PLIN4: variants seen among roughly 807,000 people sequenced by gnomAD.
The protein encoded by PLIN4 is perilipin-4.
PLIN4 carries 57 observed loss-of-function variants against 52.4 expected under a neutral mutation model. The ratio of observed to expected loss-of-function variants is 1.09; its 90% CI spans 0.88 to 1.36. PLIN4 has a LOEUF of 1.36. PLIN4 is among the 40% of genes most tolerant of loss of function. PLIN4 has a pLI of 0.00. For missense variants in PLIN4, 1,757 were observed against 1,770.3 expected (o/e 0.99, Z 0.13); for synonymous variants, 826 against 785.4 (o/e 1.05, Z -0.86).
Position 4,508,804 on chromosome 19 carries a change from C to G in PLIN4, c.3666G>C (p.Arg1222Ser), listed in dbSNP as rs576252933. ...SHLQHGQFQA[R>S]DTLAQLQDCF... ...AGTCCTGGAGCTGGGCCAGAGTGTC[C>G]CTGGCTTGGAACTGGCCGTGCTGCA... The change falls in exon 6 of 8, where the codon AGG becomes AGC. Residue 1222 changes from arginine to serine, a missense_variant. By Grantham distance (110) the Arg-to-Ser change is moderately radical. Transcript: ENST00000301286. 1 of 1,597,736 alleles carries G rather than the reference C, an allele frequency of 6.3e-7. No individual in the cohort carries two copies. Among genetic ancestry groups the G allele is most frequent in the Middle Eastern group, 1.7e-4 (1 of 6,000 alleles).
Position 4,503,715 on chromosome 19 carries a change from C to G in PLIN4, c.*744G>C, listed in dbSNP as rs1156691574. ...GGTGGGCAGCTGGAGGCAGCAGCAG[C>G]CTGTTTGCTTGTTTTTTGCACCCCC... On this transcript the variant is annotated 3_prime_UTR_variant, in exon 8 of 8. Transcript: ENST00000301286. 2 of 153,088 alleles carry G rather than the reference C, an allele frequency of 1.3e-5. No individual in the cohort carries two copies. The highest frequency in any genetic ancestry group is 4.8e-5 in the African/African-American group (2 of 41,580). The allele number at this position is 153,088 out of a possible 1,614,324, so 9.5% of individuals were successfully genotyped here.
chr19:4,512,637 A>C lies in PLIN4; in HGVS notation c.1323T>G (p.Thr441=), dbSNP rs200062551. The C allele has an allele frequency of 1.3e-6, 2 of 1,530,346 alleles. No individual in the cohort carries two copies. The highest frequency in any genetic ancestry group is 3.6e-5 in the African/African-American group (2 of 55,992). 94.8% of individuals were successfully genotyped at this position (1,530,346 alleles called of 1,614,324 possible). The change falls in exon 5 of 8, where the codon ACT becomes ACG. Residue 441 remains threonine, a synonymous_variant. Coordinates refer to ENST00000301286, the MANE Select transcript of PLIN4 (RefSeq NM_001367868.2). Reference sequence around the variant, plus strand: ...TTCCTCTGGCCAAATTCATGGCACCAGTCACCCCACTGCAGACGGTGTCCT... The same window carrying C: ...TTCCTCTGGCCAAATTCATGGCACCCGTCACCCCACTGCAGACGGTGTCCT... ...GTKDTVCSGV[T]GAMNLARGTI...
intron 2 of PLIN4, 90 bp from the exon 3 acceptor site, chr19:4,517,788 G>A (rs1017358460): frequency 5.5e-6 from 8 of 1,450,086 alleles, no homozygotes; most frequent in East Asian, 2.5e-5. Flanking sequence ...GCCCAATGCC[G>A]CCCCGGCCCC....
chr19:4,509,265 G>T (rs1367633055), intron 5 of PLIN4, among the ~76,000 whole-genome samples: 2 of 107,054 alleles, frequency 1.9e-5, no homozygotes, highest in African/African-American at 3.4e-5. Flanking sequence ...GAGCCGAGAT[G>T]GAGCCACTGC....
At chr19:4,507,483 G>C (rs1329906539) in intron 6 of PLIN4, among the ~76,000 whole-genome samples, 3 of 152,208 alleles carry the variant, frequency 2.0e-5, no homozygotes, top group Admixed American at 1.3e-4. Context: ...AGGAGTTTAA[G>C]ACCAGCCTGG....
Position 4,510,742 on chromosome 19 carries a change from G to A in PLIN4, c.3218C>T (p.Thr1073Ile). ...SWGGLTSSRT[T>I]DNGGEQTALS... ...GGCAGTCTGCTCCCCACCATTGTCT[G>A]TGGTCCTGGAACTGGTGAGTCCACC... Residue 1073 changes from threonine (T) to isoleucine (I), a missense_variant, in exon 5 of 8, where the codon ACA becomes ATA. Transcript: ENST00000301286. 12 of 1,550,976 alleles carry A rather than the reference G, an allele frequency of 7.7e-6. No homozygotes were observed. Among genetic ancestry groups the A allele is most frequent in the Non-Finnish European group, 1.0e-5 (12 of 1,149,042 alleles).
At position 4,508,770 on chromosome 19, in the gene PLIN4, G is replaced by C; in HGVS notation, c.3700C>G (p.Leu1234Val). The change falls in exon 6 of 8, where the codon CTG (leucine) becomes GTG (valine). Residue 1234 changes from leucine to valine, a missense_variant and splice_region_variant. Coordinates refer to ENST00000301286, the MANE Select transcript of PLIN4 (RefSeq NM_001367868.2). ...TLAQLQDCFR[L>V]IEKAQQAPEG... ...CAGCAGCAGGGGGAAGCTCTTACCA[G>C]CCTGAAGCAGTCCTGGAGCTGGGCC... 2 of 1,579,190 alleles carry C rather than the reference G, an allele frequency of 1.3e-6. No homozygotes were observed. Among genetic ancestry groups the C allele is most frequent in the Non-Finnish European group, 1.7e-6 (2 of 1,163,262 alleles).
chr19:4,513,335 C>A lies in PLIN4; in HGVS notation c.625G>T (p.Val209Phe), dbSNP rs1412541103. 1 of 1,613,404 alleles carries A rather than the reference C, an allele frequency of 6.2e-7. No individual in the cohort carries two copies. Residue 209 changes from valine to phenylalanine, a missense_variant, in exon 5 of 8, where the codon GTC becomes TTC. This residue lies in a region of PLIN4 where 332 missense variants were observed against 310.8 expected (regional missense o/e 1.07). Coordinates refer to ENST00000301286, the MANE Select transcript of PLIN4 (RefSeq NM_001367868.2). ...TTGGCCAAGTTCACTGCCCCCATGA[C>A]CCCAGTAGTCACTGTGTCTTTGGTG... ...TGTKDTVTTG[V>F]MGAVNLAKGT...
intron 3 of PLIN4, 111 bp from the exon 4 acceptor site, chr19:4,516,789 G>A: frequency 8.9e-7 from 1 of 1,124,016 alleles, no homozygotes; most frequent in East Asian, 3.0e-5. Context: ...GAATGTTTCA[G>A]CTACCCCGCC....
chr19:4,504,366 C>T lies in PLIN4; in HGVS notation c.*93G>A, dbSNP rs1050513623. ...CCAAAGGTCTAGGGCTTTAGGGAAC[C>T]GATCCAGGTTTGGGGGCGGGGAGAA... On this transcript the variant is annotated 3_prime_UTR_variant, in exon 8 of 8. Coordinates refer to ENST00000301286, the MANE Select transcript of PLIN4 (RefSeq NM_001367868.2). 9.4e-6 allele frequency: 12 copies of T among 1,271,912 alleles called. No individual in the cohort carries two copies. Among genetic ancestry groups the T allele is most frequent in the South Asian group, 4.8e-5 (3 of 62,202 alleles). The allele number at this position is 1,271,912 out of a possible 1,614,324, so 78.8% of individuals were successfully genotyped here. A position where few individuals can be genotyped will look rare whatever the true frequency, so the allele number is the denominator to read the frequency against.
chr19:4,513,172 A>G lies in PLIN4; in HGVS notation c.788T>C (p.Val263Ala), dbSNP rs778027785. 6.8e-6 allele frequency: 11 copies of G among 1,613,180 alleles called. No individual in the cohort carries two copies. The East Asian group carries it at 2.5e-4, about 36-fold the overall frequency. ...IQTGVDTSKT[V>A]LTGTKDTVCS... ...GACGGTGTCCTTGGTACCTGTTAGG[A>G]CAGTCTTACTGGTGTCCACACCGGT... is the stretch of plus-strand genomic sequence containing the variant. The change falls in exon 5 of 8, where the codon GTC becomes GCC. Residue 263 changes from valine (V) to alanine (A), a missense_variant. This residue lies in a region of PLIN4 where 99 missense variants were observed against 143.4 expected (regional missense o/e 0.69). Coordinates refer to ENST00000301286, the MANE Select transcript of PLIN4 (RefSeq NM_001367868.2).
chr19:4,504,593 C>G lies in PLIN4; in HGVS notation c.3982G>C (p.Glu1328Gln). The change falls in exon 8 of 8, where the codon GAG becomes CAG. Residue 1328 changes from glutamate (E) to glutamine (Q), a missense_variant. Transcript: ENST00000301286. ...CCCTCGCGGCTCTGCACCAGCCGCTCTGCGGGCAGCTCCTCTACAGAGCCA... is the reference window on the plus strand; with the variant it reads ...CCCTCGCGGCTCTGCACCAGCCGCTGTGCGGGCAGCTCCTCTACAGAGCCA... ...SAGSVEELPA[E>Q]RLVQSREGVH... The G allele has an allele frequency of 6.2e-7, 1 of 1,603,830 alleles. No individual in the cohort carries two copies. The highest frequency in any genetic ancestry group is 8.5e-7 in the Non-Finnish European group (1 of 1,177,358).
chr19:4,516,759 G>A (rs1341237353), intron 3 of PLIN4, 81 bp from the exon 4 acceptor site: 3 of 1,340,922 alleles, frequency 2.2e-6, no homozygotes, highest in African/African-American at 1.5e-5. Context: ...ACAATAGCCA[G>A]GCACAGCCTA....
chr19:4,517,441 A>T, intron 3 of PLIN4, 113 bp downstream of exon 3: 3 of 1,319,880 alleles, frequency 2.3e-6, no homozygotes, highest in Non-Finnish European at 2.0e-6. Context: ...ATGAGAGCAC[A>T]CAGACAAATA....
At chr19:4,516,487 C>T in intron 4 of PLIN4, 130 bp downstream of exon 4, 3 of 1,113,592 alleles carry the variant, frequency 2.7e-6, no homozygotes, top group Non-Finnish European at 1.3e-6. Flanking sequence ...CCACAGCAGC[C>T]CCCCAGATAG....
chr19:4,515,177 A>G (rs1453602212), intron 4 of PLIN4, among the ~76,000 whole-genome samples: 1 of 148,892 alleles, frequency 6.7e-6, no homozygotes, highest in Non-Finnish European at 1.5e-5. Context: ...CTGTCTCAAA[A>G]GATAAAAAAA....
rs1016171430 is a variant in PLIN4 at position 4,504,266 on chromosome 19, G to A, written c.*193C>T. 29 of 541,228 alleles carry A rather than the reference G, an allele frequency of 5.4e-5. No individual in the cohort carries two copies. Among genetic ancestry groups the A allele is most frequent in the Middle Eastern group, 4.8e-4 (1 of 2,094 alleles). The allele number at this position is 541,228 out of a possible 1,614,324, so 33.5% of individuals were successfully genotyped here. On this transcript the variant is annotated 3_prime_UTR_variant, in exon 8 of 8. Coordinates refer to ENST00000301286, the MANE Select transcript of PLIN4 (RefSeq NM_001367868.2). ...GGAGGTGGGAGATGCAGGCAGGCCC[G>A]GAGCAGGGCGTGGGGTGGCTCAGTT...
intron 5 of PLIN4, among the ~76,000 whole-genome samples, chr19:4,509,309 T>TAAAAAAAAAAAAAAAAAAAAAAA (rs1568227892): frequency 2.6e-3 from 2 of 760 alleles, no homozygotes; most frequent in African/African-American, 4.2e-3. Context: ...AGACTCCGTC[T>TAAAAAAAAAAAAAAAAAAAAAAA]CAAAAAAAAA....
At position 4,510,922 on chromosome 19, in the gene PLIN4, T is replaced by G. The variant is rs776343289; in HGVS notation, c.3038A>C (p.Gln1013Pro). 6 of 1,613,468 alleles carry G rather than the reference T, an allele frequency of 3.7e-6. No homozygotes were observed. Among genetic ancestry groups the G allele is most frequent in the Non-Finnish European group, 5.1e-6 (6 of 1,179,868 alleles). Residue 1013 changes from glutamine to proline, a missense_variant, in exon 5 of 8, where the codon CAG (glutamine) becomes CCG (proline). By Grantham distance (76) the Gln-to-Pro change is moderately conservative (BLOSUM62 -1). This residue lies in a region of PLIN4 where 712 missense variants were observed against 637.1 expected (regional missense o/e 1.12). Transcript: ENST00000301286. Reference sequence around the variant, plus strand: ...TGTCTTGGTGGTGTCCAGGCCCCCCTGGACGGCCCCTTTGGCCATGCTCAT... The same window carrying G: ...TGTCTTGGTGGTGTCCAGGCCCCCCGGGACGGCCCCTTTGGCCATGCTCAT... Reference protein sequence around the residue: ...GAMSMAKGAVQGGLDTTKTVL... With the variant: ...GAMSMAKGAVPGGLDTTKTVL...
Sources: gnomAD v4.1 joint callset for allele counts (sites outside exome capture counted in the v4.1 genomes callset) on GRCh38, gnomAD v4.1.1 for gene constraint, gnomAD v4.1.1 regional missense constraint, MANE v1.5 for transcripts, NCBI Gene and HGNC (gene_info 2026-07-23, HGNC 2026-07-21) for gene names.